The following AKAP7 variants were observed in gnomAD, a reference collection of about 807,000 sequenced individuals.
AKAP7 encodes A kinase (PRKA) anchor protein 7.
In AKAP7, 39 loss-of-function variants were observed where a neutral mutation model predicts 39.5. The ratio of observed to expected loss-of-function variants is 0.99; its 90% CI spans 0.76 to 1.29. The LOEUF (loss-of-function observed/expected upper bound fraction) is 1.29, where lower values mean the gene tolerates loss of function less well. Ranked by LOEUF, AKAP7 falls within the 50% of genes most tolerant of loss-of-function variation. AKAP7 has a pLI of 0.00. For synonymous variants in AKAP7, 140 were observed against 139.1 expected (o/e 1.01, Z -0.05); for missense variants, 414 against 407.7 (o/e 1.02, Z -0.13).
At chr6:131,140,601 A>G (rs1286498315) in intron 1 of AKAP7, among the ~76,000 whole-genome samples, 1 of 152,228 alleles carries the variant, frequency 6.6e-6, no homozygotes, top group South Asian at 2.1e-4. Flanking sequence ...TAGTGAGATG[A>G]CGGTGTTAAA....
chr6:131,137,056 G>T (rs1202344403), intron 1 of AKAP7, among the ~76,000 whole-genome samples: 1 of 152,166 alleles, frequency 6.6e-6, no homozygotes, highest in Non-Finnish European at 1.5e-5. Context: ...AGATCGGCTG[G>T]GATCATGCCA....
At chr6:131,229,057 C>T (rs74896218) in intron 7 of AKAP7, among the ~76,000 whole-genome samples, 3,849 of 152,044 alleles carry the variant, frequency 0.025, 99 homozygotes, top group African/African-American at 0.068. Flanking sequence ...AATGTGTTTG[C>T]ATGATTATTT....
At chr6:131,154,473 T>G (rs1317988241) in intron 2 of AKAP7, among the ~76,000 whole-genome samples, 3 of 150,370 alleles carry the variant, frequency 2.0e-5, no homozygotes, top group African/African-American at 7.3e-5. Context: ...TCCCTGTTTT[T>G]TTTTTTTTTT....
At chr6:131,276,951 A>C (rs182109374) in intron 7 of AKAP7, among the ~76,000 whole-genome samples, 18 of 152,166 alleles carry the variant, frequency 1.2e-4, no homozygotes, top group African/African-American at 4.1e-4. Context: ...GAAGCACATT[A>C]ATGTTGACCT....
intron 6 of AKAP7, among the ~76,000 whole-genome samples, chr6:131,212,185 G>C (rs1261758912): frequency 6.6e-6 from 1 of 152,172 alleles, no homozygotes; most frequent in Non-Finnish European, 1.5e-5. Flanking sequence ...AGTCAGGGAC[G>C]ATCTGTATTT....
At chr6:131,171,303 A>T (rs1463141499) in intron 5 of AKAP7, among the ~76,000 whole-genome samples, 1 of 152,220 alleles carries the variant, frequency 6.6e-6, no homozygotes. Context: ...GCAGGCACAT[A>T]GGAAGGAGAA....
intron 5 of AKAP7, among the ~76,000 whole-genome samples, chr6:131,178,802 C>T (rs1398137698): frequency 6.6e-6 from 1 of 152,062 alleles, no homozygotes; most frequent in Admixed American, 6.6e-5. Flanking sequence ...TTTTTTGCGC[C>T]AACACCTGGG....
chr6:131,245,905 C>T (rs187846772), intron 7 of AKAP7, among the ~76,000 whole-genome samples: 5 of 152,116 alleles, frequency 3.3e-5, no homozygotes, highest in Admixed American at 2.6e-4. Flanking sequence ...TTTTCCTTCT[C>T]ATGTGTCTCT....
chr6:131,242,679 CA>C (rs1688873779), intron 7 of AKAP7, among the ~76,000 whole-genome samples: 3 of 152,066 alleles, frequency 2.0e-5, no homozygotes, highest in Non-Finnish European at 2.9e-5. Context: ...GGCCTCAGGC[CA>C]CATGGGCCTG....
intron 7 of AKAP7, among the ~76,000 whole-genome samples, chr6:131,253,618 C>G (rs2128320994): frequency 6.6e-6 from 1 of 152,194 alleles, no homozygotes; most frequent in South Asian, 2.1e-4. Context: ...AACTTCCCAG[C>G]CTCTGGTAAC....
intron 7 of AKAP7, among the ~76,000 whole-genome samples, chr6:131,254,421 A>G (rs1196935741): frequency 1.3e-5 from 2 of 152,264 alleles, no homozygotes; most frequent in Non-Finnish European, 2.9e-5. Flanking sequence ...TTGCAGAGGC[A>G]TATGGACCAC....
intron 5 of AKAP7, among the ~76,000 whole-genome samples, chr6:131,194,100 T>G (rs1440642046): frequency 6.6e-6 from 1 of 152,082 alleles, no homozygotes; most frequent in South Asian, 2.1e-4. Context: ...TGCTCTTGCT[T>G]TTCTAGTTCT....
At chr6:131,248,860 T>C (rs544915479) in intron 7 of AKAP7, among the ~76,000 whole-genome samples, 2 of 152,376 alleles carry the variant, frequency 1.3e-5, no homozygotes, top group East Asian at 3.9e-4. Flanking sequence ...TATTCACTCA[T>C]GTATTGGTGA....
At chr6:131,202,475 T>C (rs1807671710) in intron 6 of AKAP7, among the ~76,000 whole-genome samples, 1 of 150,968 alleles carries the variant, frequency 6.6e-6, no homozygotes, top group South Asian at 2.1e-4. Flanking sequence ...ATGGATGAAA[T>C]TGGAAATCAT....
intron 2 of AKAP7, among the ~76,000 whole-genome samples, chr6:131,155,120 C>G (rs1802306958): frequency 6.6e-6 from 1 of 152,038 alleles, no homozygotes; most frequent in Non-Finnish European, 1.5e-5. Context: ...CTCCTGGGCT[C>G]AAGTGATTCT....
rs989949351 is a variant in AKAP7 at position 131,249,368 on chromosome 6, A to T, written c.850+29560A>T. ...CACTGTTTTTTTTAATGCGACAAAT[A>T]TAATTTGTAAAATTGACAATTTTCA... On this transcript the variant is annotated intron_variant, in intron 7 of 7. Transcript: ENST00000431975. Among the ~76,000 whole-genome samples the T allele has an allele frequency of 2.0e-5, 3 of 152,172 alleles. No individual in the cohort carries two copies. The South Asian group carries it at 6.2e-4, about 32-fold the overall frequency.
At chr6:131,190,631 C>T (rs1470061491) in intron 5 of AKAP7, among the ~76,000 whole-genome samples, 9 of 144,228 alleles carry the variant, frequency 6.2e-5, no homozygotes, top group Admixed American at 3.5e-4. Context: ...GGTGACGGAG[C>T]GAGATTCTGT....
chr6:131,210,252 T>C (rs949764283), intron 6 of AKAP7, among the ~76,000 whole-genome samples: 7 of 152,238 alleles, frequency 4.6e-5, no homozygotes, highest in Admixed American at 2.0e-4. Context: ...AAAAATAGAA[T>C]AATACTGGTT....
At chr6:131,223,013 A>G (rs539898293) in intron 7 of AKAP7, among the ~76,000 whole-genome samples, 2 of 152,232 alleles carry the variant, frequency 1.3e-5, no homozygotes, top group Non-Finnish European at 2.9e-5. Context: ...CAGCAAAAAG[A>G]TTATGACTTG....
Sources: allele counts gnomAD v4.1 joint callset (sites outside exome capture counted in the v4.1 genomes callset), GRCh38; gene constraint gnomAD v4.1.1; transcripts MANE v1.5; gene names NCBI Gene and HGNC (gene_info 2026-07-23, HGNC 2026-07-21).